The following ZNF429 variants were observed in gnomAD, a reference collection of about 807,000 sequenced individuals.
ZNF429 encodes the protein zinc finger protein 429.
A neutral mutation model predicts 56.8 loss-of-function variants in ZNF429; 53 were observed. That is an observed-to-expected ratio of 0.93 (90% confidence interval 0.75 to 1.17). The LOEUF (loss-of-function observed/expected upper bound fraction) is 1.17, where lower values mean the gene tolerates loss of function less well. Among genes scored for constraint, ZNF429 ranks in the 50% most tolerant of loss-of-function variants. The pLI, the probability that ZNF429 is intolerant of heterozygous loss-of-function variation, is 0.00. For synonymous variants in ZNF429, 278 were observed against 264.7 expected (o/e 1.05, Z -0.49); for missense variants, 849 against 788.4 (o/e 1.08, Z -0.92).
chr19:21,525,475 C>T (rs1336659541), intron 1 of ZNF429, among the ~76,000 whole-genome samples: 1 of 152,092 alleles, frequency 6.6e-6, no homozygotes, highest in African/African-American at 2.4e-5. Context: ...TCAGATTCAC[C>T]CTTTTTGGAT....
intron 1 of ZNF429, among the ~76,000 whole-genome samples, chr19:21,524,173 C>G (rs948595794): frequency 6.6e-6 from 1 of 152,124 alleles, no homozygotes; most frequent in Non-Finnish European, 1.5e-5. Context: ...AAACAAGCAT[C>G]GTAGGAGTGA....
chr19:21,520,215 C>A (rs1339656559), intron 1 of ZNF429, among the ~76,000 whole-genome samples: 1 of 152,072 alleles, frequency 6.6e-6, no homozygotes, highest in Non-Finnish European at 1.5e-5. Flanking sequence ...CCTTCATAAA[C>A]ATTCTTTCAA....
At chr19:21,509,562 G>T (rs1306808868) in intron 1 of ZNF429, among the ~76,000 whole-genome samples, 1 of 152,192 alleles carries the variant, frequency 6.6e-6, no homozygotes, top group African/African-American at 2.4e-5. Flanking sequence ...TTAAGATCCA[G>T]TTAGTTCTTT....
intron 1 of ZNF429, chr19:21,529,326 A>G (rs1248947702): frequency 1.6e-5 from 3 of 187,640 alleles, no homozygotes; most frequent in South Asian, 3.7e-4. Flanking sequence ...AATATACACA[A>G]CTCATTCTGT....
chr19:21,532,420 C>CA, intron 3 of ZNF429, among the ~76,000 whole-genome samples: 3 of 151,496 alleles, frequency 2.0e-5, no homozygotes, highest in African/African-American at 7.3e-5. Context: ...GAAAAATTAA[C>CA]AAAAAAACAC....
At chr19:21,536,224 G>GTA in intron 3 of ZNF429, 56 bp from the exon 4 acceptor site, 17,636 of 1,483,096 alleles carry the variant, frequency 0.012, 135 homozygotes, top group Middle Eastern at 0.015. Context: ...TGTTTGTGAC[G>GTA]TATATATATC....
At chr19:21,510,599 T>A (rs1368590601) in intron 1 of ZNF429, among the ~76,000 whole-genome samples, 6 of 151,738 alleles carry the variant, frequency 4.0e-5, no homozygotes, top group Non-Finnish European at 7.4e-5. Context: ...AATTTTTTTT[T>A]ATTGATCATT....
intron 1 of ZNF429, among the ~76,000 whole-genome samples, chr19:21,514,588 C>CAT (rs1040986684): frequency 2.6e-5 from 4 of 151,640 alleles, no homozygotes; most frequent in Admixed American, 1.3e-4. Context: ...CACACACACA[C>CAT]ATATATATAT....
At chr19:21,535,726 G>A in intron 3 of ZNF429, among the ~76,000 whole-genome samples, 1 of 151,764 alleles carries the variant, frequency 6.6e-6, no homozygotes, top group Non-Finnish European at 1.5e-5. Context: ...ATGTTGGCCA[G>A]GCTGGTTTCG....
chr19:21,509,293 C>A (rs2054241189), intron 1 of ZNF429, among the ~76,000 whole-genome samples: 1 of 152,074 alleles, frequency 6.6e-6, no homozygotes, highest in Non-Finnish European at 1.5e-5. Context: ...GCCACCTTGC[C>A]CGGCCTACTA....
chr19:21,507,930 C>T (rs1227488176), intron 1 of ZNF429, among the ~76,000 whole-genome samples: 1 of 152,150 alleles, frequency 6.6e-6, no homozygotes, highest in South Asian at 2.1e-4. Flanking sequence ...AATTTCTGAC[C>T]CCTTGATTCT....
intron 1 of ZNF429, among the ~76,000 whole-genome samples, chr19:21,514,968 T>C (rs896591407): frequency 1.3e-5 from 2 of 151,422 alleles, no homozygotes; most frequent in African/African-American, 4.9e-5. Flanking sequence ...TGAGATGGTG[T>C]CTCACTCTGT....
At chr19:21,509,635 C>G (rs1390826488) in intron 1 of ZNF429, among the ~76,000 whole-genome samples, 1 of 152,160 alleles carries the variant, frequency 6.6e-6, no homozygotes, top group Non-Finnish European at 1.5e-5. Flanking sequence ...GAGGCTTTAT[C>G]CTGAGAGAAG....
chr19:21,535,412 T>TTTTCTTTCTTTCTTTCTTTCTTTC, intron 3 of ZNF429, among the ~76,000 whole-genome samples: 1 of 55,388 alleles, frequency 1.8e-5, no homozygotes, highest in Non-Finnish European at 3.3e-5. Flanking sequence ...TTTCTTTTTC[T>TTTTCTTTCTTTCTTTCTTTCTTTC]TTTCTTTCTT....
intron 2 of ZNF429, among the ~76,000 whole-genome samples, chr19:21,530,046 C>T: frequency 3.3e-5 from 5 of 152,082 alleles, no homozygotes; most frequent in African/African-American, 1.2e-4. Context: ...AAAAAATTAG[C>T]TGGGCACAGT....
Position 21,512,399 on chromosome 19 carries a change from G to A in ZNF429, c.3+6625G>A, listed in dbSNP as rs1041728954. ...AGAATGCCTTAACTGTGGGCCATGCGCGGTAATTTCAGCACTTTGGAAGGC... is the reference window on the plus strand; with the variant it reads ...AGAATGCCTTAACTGTGGGCCATGCACGGTAATTTCAGCACTTTGGAAGGC... On this transcript the variant is annotated intron_variant, in intron 1 of 3. Coordinates refer to ENST00000358491, the MANE Select transcript of ZNF429 (RefSeq NM_001001415.4). Among the ~76,000 whole-genome samples, 6 of 151,870 alleles carry A rather than the reference G, an allele frequency of 4.0e-5. 1 individual carries two copies. Among genetic ancestry groups the A allele is most frequent in the South Asian group, 4.1e-4 (2 of 4,820 alleles).
intron 3 of ZNF429, among the ~76,000 whole-genome samples, chr19:21,531,106 C>CAAAAAAAAAAACAAAACAAAAAAAA: frequency 1.7e-4 from 3 of 17,558 alleles, no homozygotes; most frequent in African/African-American, 9.1e-4. Context: ...AACTCCATCT[C>CAAAAAAAAAAACAAAACAAAAAAAA]AAAAAAAAAA....
intron 3 of ZNF429, among the ~76,000 whole-genome samples, chr19:21,531,305 C>G: frequency 2.6e-5 from 4 of 152,024 alleles, no homozygotes; most frequent in Admixed American, 2.0e-4. Flanking sequence ...GCTACAACCC[C>G]TCTCTATTAC....
chr19:21,524,438 A>AT lies in ZNF429; in HGVS notation c.4-5220_4-5219insT, dbSNP rs544184857. ...AGCTGTTCAGGAGGCTAAGGCAGGA[A>AT]AATCGCTTGAACCTAGGAGGCGGAG... is the stretch of plus-strand genomic sequence containing the variant. On this transcript the variant is annotated intron_variant, in intron 1 of 3. Coordinates refer to ENST00000358491, the MANE Select transcript of ZNF429 (RefSeq NM_001001415.4). Among the ~76,000 whole-genome samples the AT allele has an allele frequency of 2.2e-3, 330 of 152,230 alleles. 1 individual carries two copies. Among genetic ancestry groups the AT allele is most frequent in the African/African-American group, 7.7e-3 (319 of 41,554 alleles).
Sources: gnomAD v4.1 joint callset for allele counts (sites outside exome capture counted in the v4.1 genomes callset) on GRCh38, gnomAD v4.1.1 for gene constraint, MANE v1.5 for transcripts, NCBI Gene and HGNC (gene_info 2026-07-23, HGNC 2026-07-21) for gene names.